Variants in SPON1 observed in about 807,000 individuals in gnomAD.
SPON1 encodes spondin-1.
SPON1 carries 52 observed loss-of-function variants against 111.7 expected under a neutral mutation model. That is an observed-to-expected ratio of 0.47 (90% confidence interval 0.37 to 0.59). SPON1 has a LOEUF of 0.59. SPON1 is among the 20% of genes least tolerant of loss of function. The pLI, the probability that SPON1 is intolerant of heterozygous loss-of-function variation, is 0.00. For missense variants in SPON1, 957 were observed against 1,068.5 expected (o/e 0.90, Z 1.46); for synonymous variants, 410 against 395.8 (o/e 1.04, Z -0.43).
chr11:13,976,948 T>C (rs571212188), intron 1 of SPON1, among the ~76,000 whole-genome samples: 1 of 152,322 alleles, frequency 6.6e-6, no homozygotes, highest in Admixed American at 6.5e-5. Flanking sequence ...ATAAATGTAA[T>C]CATACCATTT....
At chr11:13,971,355 G>T (rs1400214702) in intron 1 of SPON1, among the ~76,000 whole-genome samples, 5 of 152,108 alleles carry the variant, frequency 3.3e-5, no homozygotes, top group African/African-American at 7.2e-5. Context: ...TCAGAAACTG[G>T]CTCTGAGAAA....
At chr11:14,255,555 C>G (rs1287192303) in intron 8 of SPON1, 92 bp from the exon 9 acceptor site, 20 of 1,169,030 alleles carry the variant, frequency 1.7e-5, no homozygotes, top group Non-Finnish European at 2.3e-5. Flanking sequence ...AAATTCCTAT[C>G]AAGGACTTTG....
rs565654213 is a variant in SPON1, at chr11:13,989,422, A to G, written c.345+6469A>G. On this transcript the variant is annotated intron_variant, in intron 2 of 15. Coordinates refer to ENST00000576479, the MANE Select transcript of SPON1 (RefSeq NM_006108.4). ...CCCTATATCATTTTTTATTGCATCTATTGATTCTACTCTCTTTTCTTTATT... is the reference window on the plus strand; with the variant it reads ...CCCTATATCATTTTTTATTGCATCTGTTGATTCTACTCTCTTTTCTTTATT... Among the ~76,000 whole-genome samples, 180 of 152,090 alleles carry G rather than the reference A, an allele frequency of 1.2e-3. 7 individuals are homozygous for G. The South Asian group carries it at 0.035, about 30-fold the overall frequency.
intron 5 of SPON1, among the ~76,000 whole-genome samples, chr11:14,080,293 A>G (rs1251943643): frequency 2.6e-5 from 4 of 151,994 alleles, no homozygotes; most frequent in African/African-American, 7.2e-5. Context: ...CAGTGGCACA[A>G]TCTCGGCTCA....
chr11:14,020,826 A>G (rs1848476375), intron 2 of SPON1, among the ~76,000 whole-genome samples: 1 of 152,214 alleles, frequency 6.6e-6, no homozygotes, highest in African/African-American at 2.4e-5. Flanking sequence ...GTGTGACCTC[A>G]GCTCTCTGTG....
chr11:13,988,368 G>A (rs1050324753), intron 2 of SPON1, among the ~76,000 whole-genome samples: 6 of 152,116 alleles, frequency 3.9e-5, no homozygotes, highest in South Asian at 2.1e-4. Flanking sequence ...TGTTATTGGC[G>A]TATAGGAATG....
At position 14,193,822 on chromosome 11, in the gene SPON1, C is replaced by T. The variant is rs543150236; in HGVS notation, c.826-49510C>T. ...CAGGAGGGCTCATGGCAGGGCCACA[C>T]GGTGAGACCTTGCCCATCACACAGC... On this transcript the variant is annotated intron_variant, in intron 6 of 15. Coordinates refer to ENST00000576479, the MANE Select transcript of SPON1 (RefSeq NM_006108.4). Among the ~76,000 whole-genome samples the T allele has an allele frequency of 5.3e-5, 8 of 152,334 alleles. No individual in the cohort carries two copies. The East Asian group carries it at 9.7e-4, about 18-fold the overall frequency.
At chr11:14,112,796 T>C (rs1554925577) in intron 5 of SPON1, among the ~76,000 whole-genome samples, 1 of 152,248 alleles carries the variant, frequency 6.6e-6, no homozygotes, top group East Asian at 1.9e-4. Context: ...GCCCTGGCTT[T>C]GCCCTTCCAG....
At chr11:14,079,598 T>G (rs1264379034) in intron 4 of SPON1, among the ~76,000 whole-genome samples, 1 of 152,156 alleles carries the variant, frequency 6.6e-6, no homozygotes, top group African/African-American at 2.4e-5. Flanking sequence ...ATTTTACCCC[T>G]GATTTTTCAA....
rs782750547 is a variant in SPON1 at position 14,041,506 on chromosome 11, A to G, written c.346-15A>G. ...ATGATGTTGCATGTATTTATTTCCC[A>G]CTGGTTTTCCGTAGATCATAGACGA... On this transcript the variant is annotated splice_polypyrimidine_tract_variant and intron_variant, in intron 2 of 15. Transcript: ENST00000576479. 1.9e-6 allele frequency: 3 copies of G among 1,613,186 alleles called. No individual in the cohort carries two copies. Among genetic ancestry groups the G allele is most frequent in the Admixed American group, 1.7e-5 (1 of 59,910 alleles).
At chr11:14,243,813 C>T (rs1378066146) in intron 7 of SPON1, among the ~76,000 whole-genome samples, 1 of 152,188 alleles carries the variant, frequency 6.6e-6, no homozygotes, top group Non-Finnish European at 1.5e-5. Flanking sequence ...TTTTCTGTCT[C>T]CTCTATCCCA....
At chr11:14,121,551 T>C (rs553508879) in intron 5 of SPON1, among the ~76,000 whole-genome samples, 1 of 152,284 alleles carries the variant, frequency 6.6e-6, no homozygotes, top group Admixed American at 6.5e-5. Context: ...AAGATGGGCT[T>C]TTGTGAGAAC....
intron 2 of SPON1, among the ~76,000 whole-genome samples, chr11:13,985,001 T>G (rs1322087839): frequency 6.6e-6 from 1 of 152,134 alleles, no homozygotes; most frequent in Non-Finnish European, 1.5e-5. Context: ...GAATGCAGTC[T>G]CAGGACCAGC....
At position 14,089,163 on chromosome 11, in the gene SPON1, G is replaced by T. The variant is rs1386534770; in HGVS notation, c.676+9142G>T. ...TCAAACTCATTCTCCATCCAGTTTT[G>T]TGCACTTGCTGGAGAGGAGTTGTGA... On this transcript the variant is annotated intron_variant, in intron 5 of 15. Coordinates refer to ENST00000576479, the MANE Select transcript of SPON1 (RefSeq NM_006108.4). 1.4e-4 allele frequency among the ~76,000 whole-genome samples: 22 copies of T among 152,010 alleles called. 1 individual carries two copies. Among genetic ancestry groups the T allele is most frequent in the Non-Finnish European group, 7.4e-5 (5 of 68,018 alleles).
At chr11:13,965,831 T>C (rs988708039) in intron 1 of SPON1, among the ~76,000 whole-genome samples, 1 of 152,228 alleles carries the variant, frequency 6.6e-6, no homozygotes, top group Admixed American at 6.5e-5. Flanking sequence ...TTCTGCTCAT[T>C]GTCCTGACTT....
chr11:14,001,098 C>T (rs1554912394), intron 2 of SPON1, among the ~76,000 whole-genome samples: 1 of 152,144 alleles, frequency 6.6e-6, no homozygotes, highest in Non-Finnish European at 1.5e-5. Flanking sequence ...CAAACCTTCG[C>T]CACCTCCTTC....
intron 1 of SPON1, among the ~76,000 whole-genome samples, chr11:13,979,119 G>A (rs918667195): frequency 1.3e-5 from 2 of 152,140 alleles, no homozygotes; most frequent in Non-Finnish European, 2.9e-5. Context: ...GGTATCCGAC[G>A]GTGTTTTCTT....
chr11:14,197,580 A>G (rs1848416834), intron 6 of SPON1, among the ~76,000 whole-genome samples: 3 of 151,390 alleles, frequency 2.0e-5, no homozygotes, highest in Non-Finnish European at 4.4e-5. Flanking sequence ...TTGGGGCAGT[A>G]TCACCTGAGG....
At chr11:14,240,326 G>C (rs1848911866) in intron 6 of SPON1, among the ~76,000 whole-genome samples, 1 of 152,186 alleles carries the variant, frequency 6.6e-6, no homozygotes, top group South Asian at 2.1e-4. Context: ...GTGGTAGAAT[G>C]CTCCTGCTTT....
Sources: gnomAD v4.1 joint callset for allele counts (sites outside exome capture counted in the v4.1 genomes callset) on GRCh38, gnomAD v4.1.1 for gene constraint, MANE v1.5 for transcripts, NCBI Gene and HGNC (gene_info 2026-07-23, HGNC 2026-07-21) for gene names.